TMEM272: variants seen among roughly 807,000 people sequenced by gnomAD.
TMEM272 encodes the protein long intergenic non-protein coding RNA 282.
Under a neutral mutation model 3.7 loss-of-function variants are expected in TMEM272, and 8 were observed. The ratio of observed to expected loss-of-function variants is 2.17; its 90% CI spans 1.27 to 3.91. TMEM272 has a LOEUF of 3.91. Ranked by LOEUF, TMEM272 falls within the 30% of genes most tolerant of loss-of-function variation. The probability of loss-of-function intolerance (pLI) is 0.00; values close to 1 mark genes in which losing one functional copy is unlikely to be tolerated. For missense variants in TMEM272, 166 were observed against 91.5 expected (o/e 1.81, Z -3.32); for synonymous variants, 63 against 39.8 (o/e 1.58, Z -2.20).
the TMEM272 span, among the ~76,000 whole-genome samples, chr13:51,888,235 G>T: frequency 6.6e-6 from 1 of 151,946 alleles, no homozygotes; most frequent in Non-Finnish European, 1.5e-5. Flanking sequence ...TAGTAGTGAC[G>T]GTGTTTCACC....
At chr13:51,890,574 A>G in the TMEM272 span, among the ~76,000 whole-genome samples, 1 of 152,186 alleles carries the variant, frequency 6.6e-6, no homozygotes, top group Non-Finnish European at 1.5e-5. Context: ...TTTTCCTTAT[A>G]AACTACTCAG....
chr13:51,864,669 T>G, the TMEM272 span, among the ~76,000 whole-genome samples: 1 of 152,236 alleles, frequency 6.6e-6, no homozygotes, highest in Non-Finnish European at 1.5e-5. Flanking sequence ...CACTTGTACA[T>G]GTATCCTAGT....
chr13:51,816,765 C>T lies in TMEM272; in HGVS notation c.550G>A (p.Ala184Thr). ...VYLCSRWRLA[A>T]DED ...CAAGGCAGCTGTCAGTCTTCATCGG[C>T]AGCAAGTCTCCACCTGGAGCACAGG... The change falls in exon 5 of 5, where the codon GCC becomes ACC. Residue 184 changes from alanine to threonine, a missense_variant. By Grantham distance (58) the Ala-to-Thr change is moderately conservative. Transcript: ENST00000629372. 2 of 698,384 alleles carry T rather than the reference C, an allele frequency of 2.9e-6. No homozygotes were observed. The highest frequency in any genetic ancestry group is 4.6e-4 in the Middle Eastern group (2 of 4,332). The allele number at this position is 698,384 out of a possible 1,614,324, so 43.3% of individuals were successfully genotyped here.
intron 2 of TMEM272, among the ~76,000 whole-genome samples, chr13:51,835,622 G>A (rs1397177491): frequency 2.0e-5 from 3 of 152,184 alleles, no homozygotes; most frequent in African/African-American, 7.2e-5. Flanking sequence ...CATTTGAAAG[G>A]AAAACACTAC....
the TMEM272 span, among the ~76,000 whole-genome samples, chr13:51,863,493 G>A: frequency 2.0e-5 from 3 of 152,098 alleles, no homozygotes; most frequent in Non-Finnish European, 2.9e-5. Context: ...ATGGTTTCAG[G>A]AAATGTTAAG....
At chr13:51,881,309 T>A in the TMEM272 span, among the ~76,000 whole-genome samples, 1 of 151,948 alleles carries the variant, frequency 6.6e-6, no homozygotes, top group African/African-American at 2.4e-5. Flanking sequence ...GCCTGAAAGG[T>A]TACAGATGAC....
At chr13:51,829,447 A>G (rs1335723571) in intron 2 of TMEM272, among the ~76,000 whole-genome samples, 1 of 152,168 alleles carries the variant, frequency 6.6e-6, no homozygotes, top group East Asian at 1.9e-4. Flanking sequence ...GTCATGAGTG[A>G]CACAGTGCTG....
the TMEM272 span, among the ~76,000 whole-genome samples, chr13:51,869,960 G>A: frequency 6.6e-6 from 1 of 152,190 alleles, no homozygotes; most frequent in South Asian, 2.1e-4. Flanking sequence ...TAGAGGGGAC[G>A]GAGAAGCAGG....
At chr13:51,834,111 G>A (rs749153290) in intron 2 of TMEM272, among the ~76,000 whole-genome samples, 5 of 152,322 alleles carry the variant, frequency 3.3e-5, no homozygotes, top group East Asian at 3.9e-4. Flanking sequence ...AGGACAGAGC[G>A]TGCTGCTGTG....
At chr13:51,852,233 C>G in the TMEM272 span, among the ~76,000 whole-genome samples, 1 of 152,204 alleles carries the variant, frequency 6.6e-6, no homozygotes, top group East Asian at 1.9e-4. Context: ...TTGCATTTCT[C>G]TAATTATAAG....
At chr13:51,900,109 G>T in the TMEM272 span, among the ~76,000 whole-genome samples, 2 of 151,984 alleles carry the variant, frequency 1.3e-5, no homozygotes, top group Non-Finnish European at 2.9e-5. Context: ...CTTAGACACT[G>T]AAATCACAGG....
chr13:51,908,748 T>C, the TMEM272 span: 3 of 1,465,678 alleles, frequency 2.0e-6, no homozygotes, highest in Non-Finnish European at 1.9e-6. Flanking sequence ...AGAATTAGAA[T>C]AAAATCTGTC....
the TMEM272 span, among the ~76,000 whole-genome samples, chr13:51,919,354 CAT>C: frequency 2.0e-5 from 3 of 152,200 alleles, no homozygotes; most frequent in African/African-American, 7.2e-5. Flanking sequence ...ACATTTGCTT[CAT>C]AGTTTTAGAA....
At chr13:51,854,723 T>C in the TMEM272 span, among the ~76,000 whole-genome samples, 1 of 152,234 alleles carries the variant, frequency 6.6e-6, no homozygotes, top group Non-Finnish European at 1.5e-5. Flanking sequence ...TATTAATTTA[T>C]TCTTAAGATT....
At chr13:51,909,802 T>C in the TMEM272 span, 41 of 1,587,794 alleles carry the variant, frequency 2.6e-5, no homozygotes, top group Non-Finnish European at 3.4e-5. Context: ...TGATCTTTGA[T>C]CTTTAGCAAG....
chr13:51,921,946 T>A, the TMEM272 span, among the ~76,000 whole-genome samples: 1 of 152,144 alleles, frequency 6.6e-6, no homozygotes, highest in Non-Finnish European at 1.5e-5. Flanking sequence ...GTTGGGGATA[T>A]GTGTTGGTTC....
chr13:51,898,792 A>G, the TMEM272 span, among the ~76,000 whole-genome samples: 889 of 151,920 alleles, frequency 5.9e-3, 6 homozygotes, highest in African/African-American at 0.02. Flanking sequence ...GGCACCCAGC[A>G]TGCTAAAAAG....
the TMEM272 span, among the ~76,000 whole-genome samples, chr13:51,863,864 G>A: frequency 6.6e-6 from 1 of 152,138 alleles, no homozygotes; most frequent in Non-Finnish European, 1.5e-5. Flanking sequence ...GCTTCCTCCA[G>A]AAAGCACAAA....
At chr13:51,825,144 A>G (rs1271210746) in intron 3 of TMEM272, among the ~76,000 whole-genome samples, 1 of 152,210 alleles carries the variant, frequency 6.6e-6, no homozygotes, top group Non-Finnish European at 1.5e-5. Flanking sequence ...ATTGCACTGT[A>G]ATAATCACAG....
Sources: gnomAD v4.1 joint callset for allele counts (sites outside exome capture counted in the v4.1 genomes callset) on GRCh38, gnomAD v4.1.1 for gene constraint, MANE v1.5 for transcripts, NCBI Gene and HGNC (gene_info 2026-07-23, HGNC 2026-07-21) for gene names.